Variants in SLC35F3 observed in about 807,000 individuals in gnomAD.
SLC35F3 encodes putative thiamine transporter SLC35F3.
In SLC35F3, 25 loss-of-function variants were observed where a neutral mutation model predicts 49.9. That is an observed-to-expected ratio of 0.50 (90% CI 0.37 to 0.70). The LOEUF is 0.70. Among genes scored for constraint, SLC35F3 ranks in the 30% least tolerant of loss-of-function variants. The pLI is 0.00. For missense variants in SLC35F3, 525 were observed against 639.8 expected (o/e 0.82, Z 1.94); for synonymous variants, 275 against 265.4 (o/e 1.04, Z -0.35).
intron 2 of SLC35F3, among the ~76,000 whole-genome samples, chr1:233,944,844 A>G (rs1308172970): frequency 6.8e-6 from 1 of 146,416 alleles, no homozygotes; most frequent in Non-Finnish European, 1.5e-5. Flanking sequence ...ATGATAAACG[A>G]TGCTCTTACG....
intron 2 of SLC35F3, among the ~76,000 whole-genome samples, chr1:234,171,525 C>A (rs976406155): frequency 9.2e-5 from 14 of 152,142 alleles, no homozygotes; most frequent in Non-Finnish European, 1.3e-4. Context: ...ATACAAATTC[C>A]TGGCTTCCAA....
rs60342594 is a variant in SLC35F3, at chr1:234,219,055, C to CAAAAAAAAA, written c.284-12349_284-12341dup. Among the ~76,000 whole-genome samples, 4 of 55,274 alleles carry CAAAAAAAAA rather than the reference C, an allele frequency of 7.2e-5. 1 individual carries two copies. The highest frequency in any genetic ancestry group is 1.3e-4 in the Non-Finnish European group (4 of 30,254). The allele number at this position is 55,274 out of a possible 152,430, so 36.3% of individuals were successfully genotyped here. ...CTGGTGACATAGAGAGACTCCATCT[C>CAAAAAAAAA]AAAAAAAAAAAAAAAAAAAAAGCTC... is the stretch of plus-strand genomic sequence containing the variant. On this transcript the variant is annotated intron_variant, in intron 2 of 7. Coordinates refer to ENST00000366618, the MANE Select transcript of SLC35F3 (RefSeq NM_173508.4).
At chr1:233,960,779 G>C (rs1170644332) in intron 2 of SLC35F3, among the ~76,000 whole-genome samples, 1 of 152,200 alleles carries the variant, frequency 6.6e-6, no homozygotes, top group Non-Finnish European at 1.5e-5. Context: ...AAGGACCAGT[G>C]AATGAGGCAT....
chr1:234,040,661 G>A (rs1440006543), intron 2 of SLC35F3, among the ~76,000 whole-genome samples: 1 of 152,248 alleles, frequency 6.6e-6, no homozygotes, highest in Non-Finnish European at 1.5e-5. Flanking sequence ...AGAGCCTCAT[G>A]ATTATGGTCC....
chr1:234,101,103 C>G (rs1665207313), intron 2 of SLC35F3, among the ~76,000 whole-genome samples: 1 of 152,010 alleles, frequency 6.6e-6, no homozygotes, highest in South Asian at 2.1e-4. Flanking sequence ...CTTCCTATTT[C>G]AAATTAGCTA....
At chr1:234,250,131 A>G (rs1667712392) in intron 3 of SLC35F3, among the ~76,000 whole-genome samples, 1 of 152,248 alleles carries the variant, frequency 6.6e-6, no homozygotes, top group African/African-American at 2.4e-5. Flanking sequence ...TAAGAAGCAC[A>G]TTTTTGAAGA....
intron 3 of SLC35F3, among the ~76,000 whole-genome samples, chr1:234,247,434 G>GGTTT (rs1667651881): frequency 3.9e-5 from 6 of 152,082 alleles, no homozygotes; most frequent in Admixed American, 3.9e-4. Context: ...TTGGTTGGTT[G>GGTTT]GTCCATTGTT....
At chr1:234,068,823 T>TTATGTATA (rs1553302355) in intron 2 of SLC35F3, among the ~76,000 whole-genome samples, 2 of 71,184 alleles carry the variant, frequency 2.8e-5, no homozygotes, top group African/African-American at 1.2e-4. Context: ...ATTTGAGACA[T>TTATGTATA]TATATATATA....
At chr1:234,156,867 G>A (rs1391026870) in intron 2 of SLC35F3, among the ~76,000 whole-genome samples, 1 of 152,104 alleles carries the variant, frequency 6.6e-6, no homozygotes, top group African/African-American at 2.4e-5. Flanking sequence ...TCACAAAAGG[G>A]CACATGTTGT....
chr1:234,298,682 G>T (rs1668645012), intron 3 of SLC35F3, among the ~76,000 whole-genome samples: 1 of 152,094 alleles, frequency 6.6e-6, no homozygotes, highest in South Asian at 2.1e-4. Context: ...TGATCAATTT[G>T]CCACTATTAT....
rs117659709 is a variant in SLC35F3, at chr1:234,203,244, C to A, written c.284-28173C>A. On this transcript the variant is annotated intron_variant, in intron 2 of 7. Transcript: ENST00000366618. ...GGGACAATGACATTAAAAGCACAGA[C>A]TTAAAAGAGTTTTACATTTTAAAAA... 9.2e-4 allele frequency among the ~76,000 whole-genome samples: 140 copies of A among 152,292 alleles called. No homozygotes were observed. In the East Asian group the frequency reaches 0.024, roughly 26 times the overall value.
intron 2 of SLC35F3, among the ~76,000 whole-genome samples, chr1:234,099,455 CA>C (rs1168541690): frequency 6.6e-6 from 1 of 151,834 alleles, no homozygotes; most frequent in Non-Finnish European, 1.5e-5. Flanking sequence ...ACTAAAAATA[CA>C]AAAATTAGCT....
chr1:234,000,079 C>T (rs1281470603), intron 2 of SLC35F3, among the ~76,000 whole-genome samples: 4 of 152,108 alleles, frequency 2.6e-5, no homozygotes, highest in East Asian at 1.9e-4. Flanking sequence ...AAACTCTGAT[C>T]GCTGTGTAAC....
At chr1:233,920,288 A>G (rs1052731832) in intron 2 of SLC35F3, among the ~76,000 whole-genome samples, 1 of 152,222 alleles carries the variant, frequency 6.6e-6, no homozygotes, top group African/African-American at 2.4e-5. Context: ...AGTGGGAGCA[A>G]TTGATTGGTT....
intron 3 of SLC35F3, among the ~76,000 whole-genome samples, chr1:234,234,331 C>G (rs1667429688): frequency 6.6e-6 from 1 of 152,134 alleles, no homozygotes; most frequent in Non-Finnish European, 1.5e-5. Context: ...CTTCTTTTCT[C>G]TAAACCCTCC....
chr1:233,926,622 A>C (rs1324281863), intron 2 of SLC35F3, among the ~76,000 whole-genome samples: 1 of 152,138 alleles, frequency 6.6e-6, no homozygotes, highest in African/African-American at 2.4e-5. Context: ...CGATCTTCTG[A>C]AGCCTACTTC....
chr1:234,287,504 T>A (rs944369759), intron 3 of SLC35F3, among the ~76,000 whole-genome samples: 6 of 152,268 alleles, frequency 3.9e-5, no homozygotes, highest in African/African-American at 1.4e-4. Flanking sequence ...TCACTAATAA[T>A]AATAGTAGCT....
chr1:233,991,538 C>T (rs1374108900), intron 2 of SLC35F3, among the ~76,000 whole-genome samples: 2 of 152,144 alleles, frequency 1.3e-5, no homozygotes, highest in Non-Finnish European at 2.9e-5. Flanking sequence ...TTCAATTCCT[C>T]CTTTGTTCTT....
chr1:234,268,335 A>G (rs1208385534), intron 3 of SLC35F3, among the ~76,000 whole-genome samples: 2 of 104,124 alleles, frequency 1.9e-5, no homozygotes, highest in East Asian at 3.9e-4. Flanking sequence ...CGCGCCTGCA[A>G]TCGCACGCAC....
Sources: gnomAD v4.1 joint callset for allele counts (sites outside exome capture counted in the v4.1 genomes callset) on GRCh38, gnomAD v4.1.1 for gene constraint, MANE v1.5 for transcripts, NCBI Gene and HGNC (gene_info 2026-07-23, HGNC 2026-07-21) for gene names.